The following FRMPD4 variants were observed in gnomAD, a reference collection of about 807,000 sequenced individuals.
FRMPD4 encodes FERM and PDZ domain-containing protein 4.
Under a neutral mutation model 94.1 loss-of-function variants are expected in FRMPD4, and 22 were observed. The ratio of observed to expected loss-of-function variants is 0.23; its 90% CI spans 0.17 to 0.33. FRMPD4 has a LOEUF of 0.33. Ranked by LOEUF, FRMPD4 falls within the 10% of genes least tolerant of loss-of-function variation. FRMPD4 has a pLI of 1.00. For missense variants in FRMPD4, 1,111 were observed against 1,339.9 expected, an observed-to-expected ratio of 0.83 and a Z score of 2.67; for synonymous variants, 631 against 548.6, an observed-to-expected ratio of 1.15 and a Z score of -2.10.
chrX:12,318,409 T>C (rs4335318), intron 1 of FRMPD4, among the ~76,000 whole-genome samples: 32,814 of 110,570 alleles, frequency 0.3, 4,882 homozygotes, highest in African/African-American at 0.57. Context: ...CCTGTGGTCC[T>C]AGCTACTTGG....
intron 3 of FRMPD4, among the ~76,000 whole-genome samples, chrX:11,922,781 T>C (rs2054065207): frequency 8.9e-6 from 1 of 112,577 alleles, no homozygotes; most frequent in African/African-American, 3.2e-5. Context: ...TAGTAGAGCA[T>C]GGCCAGGGAT....
At chrX:11,862,053 G>T in intron 1 of FRMPD4, among the ~76,000 whole-genome samples, 1 of 110,405 alleles carries the variant, frequency 9.1e-6, no homozygotes, top group Middle Eastern at 4.6e-3. Flanking sequence ...TAAATGACCA[G>T]ATCTCACAAG....
intron 2 of FRMPD4, among the ~76,000 whole-genome samples, chrX:11,873,914 A>G (rs2053768459): frequency 1.8e-5 from 2 of 111,000 alleles, no homozygotes; most frequent in Admixed American, 1.9e-4. Context: ...GATTCCAGAC[A>G]TGGACCCTGT....
At chrX:12,629,806 T>C (rs1023764065) in intron 4 of FRMPD4, among the ~76,000 whole-genome samples, 4 of 112,169 alleles carry the variant, frequency 3.6e-5, no homozygotes, top group Non-Finnish European at 7.5e-5. Context: ...TTGTGGCCTG[T>C]AGCAAGTTAG....
chrX:12,502,615 G>C (rs2057934806), intron 2 of FRMPD4, among the ~76,000 whole-genome samples: 1 of 111,431 alleles, frequency 9.0e-6, no homozygotes, highest in African/African-American at 3.3e-5. Flanking sequence ...TAGATGGAGA[G>C]GGATGTAGAT....
chrX:12,168,367 G>GAAA (rs36104662), intron 1 of FRMPD4, among the ~76,000 whole-genome samples: 2 of 86,423 alleles, frequency 2.3e-5, no homozygotes, highest in Non-Finnish European at 2.3e-5. Context: ...GCCAGATTGG[G>GAAA]AAAAAAAAAA....
chrX:12,582,550 G>A (rs1334798388), intron 2 of FRMPD4, among the ~76,000 whole-genome samples: 1 of 111,783 alleles, frequency 8.9e-6, no homozygotes, highest in Non-Finnish European at 1.9e-5. Flanking sequence ...GGAAGGGAAG[G>A]AGACTGAGCA....
At chrX:12,465,435 A>T (rs1226097468) in intron 1 of FRMPD4, among the ~76,000 whole-genome samples, 1 of 111,538 alleles carries the variant, frequency 9.0e-6, no homozygotes, top group African/African-American at 3.3e-5. Context: ...CACTAGGGCC[A>T]AATGTCTTGG....
intron 1 of FRMPD4, among the ~76,000 whole-genome samples, chrX:12,223,136 A>G (rs1234557949): frequency 1.8e-5 from 2 of 112,266 alleles, no homozygotes; most frequent in Non-Finnish European, 1.9e-5. Flanking sequence ...TTGTTCTACC[A>G]TAAAGACACA....
intron 3 of FRMPD4, among the ~76,000 whole-genome samples, chrX:11,923,399 C>A (rs1026915931): frequency 4.5e-5 from 5 of 111,953 alleles, no homozygotes; most frequent in Admixed American, 9.4e-5. Flanking sequence ...CAGCACCCCA[C>A]CCCAAGCCAA....
intron 3 of FRMPD4, among the ~76,000 whole-genome samples, chrX:11,902,810 CAAAAG>C (rs1427719016): frequency 9.0e-6 from 1 of 111,338 alleles, no homozygotes; most frequent in East Asian, 2.8e-4. Flanking sequence ...GTAGAATTCT[CAAAAG>C]GAACATGAAT....
Position 12,057,705 on chromosome X carries a change from G to A in FRMPD4, c.95+179687G>A, listed in dbSNP as rs1053825922. On this transcript the variant is annotated intron_variant, in intron 3 of 18. Transcript: ENST00000640291. ...CTCATCAGGTTGCCACCAAGAGGGT[G>A]ACGAGCCTGGGGATCACCTTAGAAT... 9.9e-5 allele frequency among the ~76,000 whole-genome samples: 11 copies of A among 111,334 alleles called. No individual in the cohort carries two copies. The Admixed American group carries it at 1.1e-3, about 11-fold the overall frequency.
At chrX:11,988,481 A>G (rs1033833152) in intron 3 of FRMPD4, among the ~76,000 whole-genome samples, 1 of 112,308 alleles carries the variant, frequency 8.9e-6, no homozygotes, top group Non-Finnish European at 1.9e-5. Context: ...AAACTATGAA[A>G]CTACTACAAG....
intron 3 of FRMPD4, among the ~76,000 whole-genome samples, chrX:11,879,243 C>T (rs2053801243): frequency 9.0e-6 from 1 of 111,554 alleles, no homozygotes; most frequent in South Asian, 3.7e-4. Context: ...TTTTTAGCGC[C>T]TACATTTTTC....
chrX:12,351,969 A>G (rs779787782), intron 1 of FRMPD4, among the ~76,000 whole-genome samples: 2 of 112,460 alleles, frequency 1.8e-5, no homozygotes, highest in Non-Finnish European at 3.8e-5. Flanking sequence ...ATCCTACTAC[A>G]TGTCATTTGG....
intron 2 of FRMPD4, among the ~76,000 whole-genome samples, chrX:12,518,279 G>A (rs1231545880): frequency 8.9e-6 from 1 of 111,950 alleles, no homozygotes; most frequent in Admixed American, 9.4e-5. Flanking sequence ...ACAGCTATGT[G>A]CTTGGGACCC....
intron 1 of FRMPD4, among the ~76,000 whole-genome samples, chrX:12,165,472 G>A (rs2056100443): frequency 8.9e-6 from 1 of 111,743 alleles, no homozygotes; most frequent in Admixed American, 9.5e-5. Context: ...ATAGTTTGAA[G>A]TCAGGTAGTG....
At chrX:11,961,025 C>G (rs1044810082) in intron 3 of FRMPD4, among the ~76,000 whole-genome samples, 10 of 112,116 alleles carry the variant, frequency 8.9e-5, no homozygotes, top group Non-Finnish European at 1.5e-4. Context: ...TTCTTTAAAT[C>G]TGTTCTGTGG....
chrX:12,062,435 AT>A (rs1425354178), intron 3 of FRMPD4, among the ~76,000 whole-genome samples: 1 of 111,308 alleles, frequency 9.0e-6, no homozygotes. Context: ...ATATTTTATA[AT>A]TTTATTCATA....
Sources: gnomAD v4.1 joint callset for allele counts (sites outside exome capture counted in the v4.1 genomes callset) on GRCh38, gnomAD v4.1.1 for gene constraint, MANE v1.5 for transcripts, NCBI Gene and HGNC (gene_info 2026-07-23, HGNC 2026-07-21) for gene names.